The following OSBP2 variants were observed in gnomAD, a reference collection of about 807,000 sequenced individuals.
OSBP2 encodes the protein oxysterol-binding protein 2.
OSBP2 carries 66 observed loss-of-function variants against 96.0 expected under a neutral mutation model. That is an observed-to-expected ratio of 0.69 (90% confidence interval 0.56 to 0.84). OSBP2 has a LOEUF of 0.84. Among genes scored for constraint, OSBP2 ranks in the 40% least tolerant of loss-of-function variants. The pLI is 0.00. For synonymous variants in OSBP2, 525 were observed against 520.9 expected (o/e 1.01, Z -0.11); for missense variants, 1,038 against 1,222.7 (o/e 0.85, Z 2.25).
intron 3 of OSBP2, among the ~76,000 whole-genome samples, chr22:30,880,105 A>G (rs1452558467): frequency 6.6e-6 from 1 of 151,836 alleles, no homozygotes; most frequent in Non-Finnish European, 1.5e-5. Flanking sequence ...GGGAGGCAAG[A>G]TCCTGTTACT....
intron 2 of OSBP2, among the ~76,000 whole-genome samples, chr22:30,744,333 G>T (rs779044011): frequency 3.1e-4 from 47 of 152,166 alleles, no homozygotes; most frequent in Admixed American, 2.0e-3. Context: ...GGGCCTGGCT[G>T]ATGGTGGCCA....
chr22:30,864,665 C>G (rs951159733), intron 2 of OSBP2, among the ~76,000 whole-genome samples: 1 of 152,118 alleles, frequency 6.6e-6, no homozygotes, highest in East Asian at 1.9e-4. Context: ...TGCCACTCCC[C>G]AGCCCCAGGC....
chr22:30,843,081 G>A (rs2038788564), intron 2 of OSBP2, among the ~76,000 whole-genome samples: 1 of 152,252 alleles, frequency 6.6e-6, no homozygotes, highest in Admixed American at 6.5e-5. Context: ...ACCGCACCCG[G>A]CCTGCAATTC....
In OSBP2 at chr22:30,871,700, C is replaced by T. The variant is rs954081706; in HGVS notation, c.1107+1018C>T. On this transcript the variant is annotated intron_variant, in intron 3 of 13. Coordinates refer to ENST00000332585, the MANE Select transcript of OSBP2 (RefSeq NM_030758.4). This position sits in a 1 kb window ranked among gnomAD's most constrained non-coding sequence, Gnocchi z 4.7. ...CCAAACTAGGAGGTTAGACCAGGGC[C>T]GGACTGGGAGCTGGGACCAAGCTCC... Among the ~76,000 whole-genome samples the T allele has an allele frequency of 3.9e-5, 6 of 151,946 alleles. No homozygotes were observed. The highest frequency in any genetic ancestry group is 7.4e-5 in the Non-Finnish European group (5 of 67,956).
At chr22:30,877,371 G>C (rs527782475) in intron 3 of OSBP2, among the ~76,000 whole-genome samples, 2 of 152,280 alleles carry the variant, frequency 1.3e-5, no homozygotes, top group African/African-American at 2.4e-5. Context: ...TTGGTTTTTA[G>C]AATGAGTCTT....
At chr22:30,736,584 A>G (rs1332051643) in intron 1 of OSBP2, among the ~76,000 whole-genome samples, 1 of 152,220 alleles carries the variant, frequency 6.6e-6, no homozygotes, top group Non-Finnish European at 1.5e-5. Flanking sequence ...AAAATTTTGA[A>G]ATAACTTAGA....
intron 2 of OSBP2, among the ~76,000 whole-genome samples, chr22:30,766,456 T>C (rs779761823): frequency 1.3e-5 from 2 of 152,190 alleles, no homozygotes; most frequent in South Asian, 2.1e-4. Flanking sequence ...GGCTAGTTCA[T>C]AGGGTTTTTA....
chr22:30,703,216 C>G (rs781340533), intron 1 of OSBP2, among the ~76,000 whole-genome samples: 15 of 151,944 alleles, frequency 9.9e-5, no homozygotes, highest in Non-Finnish European at 1.3e-4. Flanking sequence ...CTGTGTTGCC[C>G]AGGCTGAAGT....
intron 1 of OSBP2, among the ~76,000 whole-genome samples, chr22:30,700,343 A>G (rs1235243758): frequency 6.6e-6 from 1 of 152,130 alleles, no homozygotes; most frequent in Non-Finnish European, 1.5e-5. Flanking sequence ...GAATATAGGA[A>G]TATGGTTTTT....
Position 30,783,964 on chromosome 22 carries a change from A to G in OSBP2, c.853+42595A>G, listed in dbSNP as rs774802153. Among the ~76,000 whole-genome samples the G allele has an allele frequency of 2.0e-5, 3 of 152,218 alleles. No individual in the cohort carries two copies. The East Asian group carries it at 5.8e-4, about 29-fold the overall frequency. On this transcript the variant is annotated intron_variant, in intron 2 of 13. Transcript: ENST00000332585. ...GTGTTACTTGAAAGTGGCCTTCAGC[A>G]TGTATCTGCAGAATGATTGTTTCCT...
intron 2 of OSBP2, among the ~76,000 whole-genome samples, chr22:30,745,486 C>T (rs2089987804): frequency 6.6e-6 from 1 of 151,636 alleles, no homozygotes; most frequent in Admixed American, 6.6e-5. Context: ...ATGCTTAAGC[C>T]CCATTTCTAC....
chr22:30,844,262 C>A (rs1206643195), intron 2 of OSBP2, among the ~76,000 whole-genome samples: 2 of 152,152 alleles, frequency 1.3e-5, no homozygotes, highest in African/African-American at 4.8e-5. Flanking sequence ...CCGCATTGTC[C>A]CCTAAGAAGA....
intron 2 of OSBP2, among the ~76,000 whole-genome samples, chr22:30,792,313 C>T (rs2090686590): frequency 6.7e-6 from 1 of 148,422 alleles, no homozygotes; most frequent in African/African-American, 2.5e-5. Flanking sequence ...ACTCTACTGT[C>T]TCAAAAAAAA....
rs146976001 is a variant in OSBP2, at chr22:30,773,499, A to C, written c.853+32130A>C. On this transcript the variant is annotated intron_variant, in intron 2 of 13. Coordinates refer to ENST00000332585, the MANE Select transcript of OSBP2 (RefSeq NM_030758.4). The stretch of plus-strand genomic sequence containing the variant: ...TTATTTAGTGTTTGACTTCCCTGAT[A>C]ATCCATAGCAACAGGAGGGTGGGGA... 1.9e-3 allele frequency among the ~76,000 whole-genome samples: 295 copies of C among 152,286 alleles called. 1 individual carries two copies. The highest frequency in any genetic ancestry group is 6.6e-3 in the African/African-American group (274 of 41,550).
At chr22:30,793,784 G>C (rs1232949759) in intron 2 of OSBP2, among the ~76,000 whole-genome samples, 1 of 152,082 alleles carries the variant, frequency 6.6e-6, no homozygotes, top group Non-Finnish European at 1.5e-5. Context: ...TGAGGCTGCA[G>C]TGAGCTATGG....
At chr22:30,815,477 G>C (rs1394419681) in intron 2 of OSBP2, among the ~76,000 whole-genome samples, 4 of 152,144 alleles carry the variant, frequency 2.6e-5, no homozygotes, top group Non-Finnish European at 5.9e-5. Context: ...AATTAATTGA[G>C]TGTATTATAG....
intron 2 of OSBP2, among the ~76,000 whole-genome samples, chr22:30,796,929 T>C (rs1203699897): frequency 6.6e-6 from 1 of 152,224 alleles, no homozygotes; most frequent in African/African-American, 2.4e-5. Context: ...TGACCAGCAA[T>C]AATCCACCTA....
intron 2 of OSBP2, among the ~76,000 whole-genome samples, chr22:30,794,892 G>A (rs1416232516): frequency 1.3e-5 from 2 of 150,746 alleles, no homozygotes; most frequent in African/African-American, 4.9e-5. Flanking sequence ...ATTGTTTTAA[G>A]CAATCAATAT....
At chr22:30,767,775 A>G (rs564815085) in intron 2 of OSBP2, among the ~76,000 whole-genome samples, 2 of 152,266 alleles carry the variant, frequency 1.3e-5, no homozygotes, top group East Asian at 1.9e-4. Flanking sequence ...AACAGCTCTC[A>G]GTTGGGAGAG....
Sources: allele counts gnomAD v4.1 joint callset (sites outside exome capture counted in the v4.1 genomes callset), GRCh38; gene constraint gnomAD v4.1.1; non-coding constraint Gnocchi (gnomAD v3.1); transcripts MANE v1.5; gene names NCBI Gene and HGNC (gene_info 2026-07-23, HGNC 2026-07-21).